IMPG2: variants seen among roughly 807,000 people sequenced by gnomAD.
The protein encoded by IMPG2 is interphotoreceptor matrix proteoglycan 2.
Under a neutral mutation model 129.2 loss-of-function variants are expected in IMPG2, and 91 were observed. That is an observed-to-expected ratio of 0.70 (90% CI 0.59 to 0.84). The LOEUF (loss-of-function observed/expected upper bound fraction) is 0.84, where lower values mean the gene tolerates loss of function less well. Ranked by LOEUF, IMPG2 falls within the 40% of genes least tolerant of loss-of-function variation. IMPG2 has a pLI of 0.00. For missense variants in IMPG2, 1,430 were observed against 1,461.7 expected, an observed-to-expected ratio of 0.98 and a Z score of 0.35; for synonymous variants, 510 against 517.7, an observed-to-expected ratio of 0.99 and a Z score of 0.20.
At chr3:101,259,450 C>G (rs962856343) in intron 9 of IMPG2, among the ~76,000 whole-genome samples, 1 of 151,498 alleles carries the variant, frequency 6.6e-6, no homozygotes, top group Admixed American at 6.6e-5. Context: ...TTTACTTTAG[C>G]CTTCGTTGTT....
intron 2 of IMPG2, among the ~76,000 whole-genome samples, chr3:101,307,306 A>G (rs1707215249): frequency 6.6e-6 from 1 of 152,242 alleles, no homozygotes; most frequent in African/African-American, 2.4e-5. Flanking sequence ...CCACTTTGAA[A>G]TAAATGTTAA....
chr3:101,289,463 A>G (rs1706981133), intron 4 of IMPG2, among the ~76,000 whole-genome samples: 1 of 152,168 alleles, frequency 6.6e-6, no homozygotes, highest in Non-Finnish European at 1.5e-5. Context: ...CATGTAAAAT[A>G]TCTAGTATAC....
In IMPG2 at chr3:101,243,055, A is replaced by G; in HGVS notation, c.2803-148T>C. ...TCTACACTTAAACTGTTAATTAACA[A>G]AAGTACAAATTAGGAATGATTTGAC... On this transcript the variant is annotated intron_variant, in intron 13 of 18. Transcript: ENST00000193391. The G allele has an allele frequency of 4.2e-6, 3 of 712,476 alleles. No individual in the cohort carries two copies. In the East Asian group the frequency reaches 8.1e-5, roughly 19 times the overall value. 44.1% of individuals were successfully genotyped at this position (712,476 alleles called of 1,614,324 possible).
intron 10 of IMPG2, among the ~76,000 whole-genome samples, chr3:101,255,810 T>C (rs561562388): frequency 5.9e-5 from 9 of 152,114 alleles, no homozygotes; most frequent in African/African-American, 2.2e-4. Flanking sequence ...CAAAGAAGTA[T>C]ATAAGGAAGT....
At chr3:101,245,317 G>C (rs1258280836) in intron 12 of IMPG2, among the ~76,000 whole-genome samples, 2 of 151,868 alleles carry the variant, frequency 1.3e-5, no homozygotes, top group African/African-American at 4.8e-5. Context: ...ACAACATCTA[G>C]ATTATCTATT....
At chr3:101,298,106 GGATA>G in intron 3 of IMPG2, among the ~76,000 whole-genome samples, 1 of 152,276 alleles carries the variant, frequency 6.6e-6, no homozygotes, top group South Asian at 2.1e-4. Flanking sequence ...TATATATTTA[GGATA>G]GTTAGCTCTT....
At chr3:101,275,596 G>T in intron 6 of IMPG2, 67 bp downstream of exon 6, 1 of 1,192,480 alleles carries the variant, frequency 8.4e-7, no homozygotes. Context: ...AGCAATGGGA[G>T]ATAAACTCTC....
At position 101,244,209 on chromosome 3, in the gene IMPG2, C is replaced by G; in HGVS notation, c.2122G>C (p.Glu708Gln). Reference protein sequence around the residue: ...ASLTLPKHISEVPGVDDYSVT... With the variant: ...ASLTLPKHISQVPGVDDYSVT... ...GAGTAATCATCAACACCAGGTACTTCTGATATGTGCTTGGGGAGGGTTAGA... is the reference window on the plus strand; with the variant it reads ...GAGTAATCATCAACACCAGGTACTTGTGATATGTGCTTGGGGAGGGTTAGA... The change falls in exon 13 of 19, where the codon GAA becomes CAA. Residue 708 changes from glutamate to glutamine, a missense_variant. Glu to Gln is a conservative substitution (Grantham distance 29, BLOSUM62 2). Coordinates refer to ENST00000193391, the MANE Select transcript of IMPG2 (RefSeq NM_016247.4). 1.2e-6 allele frequency: 2 copies of G among 1,613,982 alleles called. No homozygotes were observed. The highest frequency in any genetic ancestry group is 1.7e-6 in the Non-Finnish European group (2 of 1,179,986).
intron 3 of IMPG2, among the ~76,000 whole-genome samples, chr3:101,298,059 T>G (rs536752607): frequency 6.6e-6 from 1 of 152,364 alleles, no homozygotes; most frequent in Admixed American, 6.5e-5. Context: ...ATCCAAGAAC[T>G]TGTTTTATGA....
In IMPG2 at chr3:101,246,020, G is replaced by A; in HGVS notation, c.1325C>T (p.Pro442Leu). 6.2e-7 allele frequency: 1 copy of A among 1,614,160 alleles called. No homozygotes were observed. The highest frequency in any genetic ancestry group is 2.2e-5 in the East Asian group (1 of 44,876). Reference protein sequence around the residue: ...IPPLDFSSGPPSATGRELWSE... With the variant: ...IPPLDFSSGPLSATGRELWSE... Reference sequence around the variant, plus strand: ...CCAGAGTTCCCTGCCAGTGGCTGAGGGAGGACCAGAGCTGAAATCAAGTGG... The same window carrying A: ...CCAGAGTTCCCTGCCAGTGGCTGAGAGAGGACCAGAGCTGAAATCAAGTGG... The change falls in exon 12 of 19, where the codon CCC becomes CTC. Residue 442 changes from proline to leucine, a missense_variant. Pro to Leu is a moderately conservative substitution (Grantham distance 98). Transcript: ENST00000193391.
intron 9 of IMPG2, among the ~76,000 whole-genome samples, chr3:101,260,271 A>T (rs1028816674): frequency 1.3e-5 from 2 of 152,162 alleles, no homozygotes; most frequent in Admixed American, 1.3e-4. Flanking sequence ...AGCTCTTAAA[A>T]GTAGTAACTG....
chr3:101,232,237 TA>T (rs1398359995), intron 15 of IMPG2, among the ~76,000 whole-genome samples: 3 of 151,754 alleles, frequency 2.0e-5, no homozygotes, highest in African/African-American at 7.3e-5. Flanking sequence ...TTTTTTTATT[TA>T]TTTTTTATTT....
At chr3:101,253,841 C>A in intron 10 of IMPG2, 60 bp from the exon 11 acceptor site, 3 of 1,166,338 alleles carry the variant, frequency 2.6e-6, no homozygotes, top group Non-Finnish European at 3.8e-6. Flanking sequence ...ATTTGAGGTG[C>A]AGGGACAACT....
chr3:101,286,687 T>G (rs2107122535), intron 4 of IMPG2, among the ~76,000 whole-genome samples: 2 of 152,326 alleles, frequency 1.3e-5, no homozygotes, highest in Middle Eastern at 6.8e-3. Flanking sequence ...ATAGGCTAGT[T>G]CTCATGATGG....
rs1435628406 is a variant in IMPG2 at position 101,222,564 on chromosome 3, A to G, written c.*4405T>C. On this transcript the variant is annotated 3_prime_UTR_variant, in exon 19 of 19. Transcript: ENST00000193391. ...AGACAGGTTCTTGAAAGTGATGTTTATTACTAATGAAAATAGTACAGTTGT... is the reference window on the plus strand; with the variant it reads ...AGACAGGTTCTTGAAAGTGATGTTTGTTACTAATGAAAATAGTACAGTTGT... 9 of 152,238 alleles carry G rather than the reference A, an allele frequency of 5.9e-5. No individual in the cohort carries two copies. Among genetic ancestry groups the G allele is most frequent in the Admixed American group, 5.9e-4 (9 of 15,292 alleles). The allele number at this position is 152,238 out of a possible 1,614,324, so 9.4% of individuals were successfully genotyped here.
intron 3 of IMPG2, among the ~76,000 whole-genome samples, chr3:101,297,174 C>A (rs1478642776): frequency 6.6e-6 from 1 of 152,132 alleles, no homozygotes; most frequent in Non-Finnish European, 1.5e-5. Flanking sequence ...TCCCAAAGTG[C>A]TGGGATTACA....
At chr3:101,283,166 G>A (rs990663476) in intron 4 of IMPG2, among the ~76,000 whole-genome samples, 1 of 152,032 alleles carries the variant, frequency 6.6e-6, no homozygotes, top group African/African-American at 2.4e-5. Context: ...AGGATTACAG[G>A]TGCACGCCAC....
chr3:101,264,570 T>C (rs1442599434), intron 9 of IMPG2, among the ~76,000 whole-genome samples: 1 of 152,028 alleles, frequency 6.6e-6, no homozygotes, highest in African/African-American at 2.4e-5. Context: ...AGTCCACATA[T>C]GAAAATGCCA....
At chr3:101,301,758 G>A (rs1707141678) in intron 3 of IMPG2, among the ~76,000 whole-genome samples, 1 of 152,104 alleles carries the variant, frequency 6.6e-6, no homozygotes, top group Non-Finnish European at 1.5e-5. Flanking sequence ...TCATGGTCTG[G>A]TTGGTATCTT....
Sources: gnomAD v4.1 joint callset for allele counts (sites outside exome capture counted in the v4.1 genomes callset) on GRCh38, gnomAD v4.1.1 for gene constraint, MANE v1.5 for transcripts, NCBI Gene and HGNC (gene_info 2026-07-23, HGNC 2026-07-21) for gene names.